Variants in SLC2A9 observed in about 807,000 individuals in gnomAD.
SLC2A9 encodes the protein solute carrier family 2 member 9.
A neutral mutation model predicts 50.6 loss-of-function variants in SLC2A9; 39 were observed. The observed-to-expected ratio is 0.77, with a 90% CI of 0.60 to 1.01. The LOEUF (loss-of-function observed/expected upper bound fraction) is 1.01, where lower values mean the gene tolerates loss of function less well. SLC2A9 is among the 50% of genes least tolerant of loss of function. SLC2A9 has a pLI of 0.00. For synonymous variants in SLC2A9, 324 were observed against 276.9 expected, an observed-to-expected ratio of 1.17 and a Z score of -1.69; for missense variants, 686 against 677.6, an observed-to-expected ratio of 1.01 and a Z score of -0.14.
At chr4:9,819,029 G>C (rs1560148990) in intron 3 of SLC2A9, among the ~76,000 whole-genome samples, 1 of 148,430 alleles carries the variant, frequency 6.7e-6, no homozygotes, top group African/African-American at 2.5e-5. Flanking sequence ...GACTGAGGCA[G>C]AATGGCGTGA....
At chr4:9,869,141 G>T (rs1325192912) in intron 10 of SLC2A9, among the ~76,000 whole-genome samples, 1 of 152,194 alleles carries the variant, frequency 6.6e-6, no homozygotes, top group Non-Finnish European at 1.5e-5. Context: ...TAATCCGTAA[G>T]ACAGAGACAG....
At chr4:9,818,840 G>A (rs963582816) in intron 3 of SLC2A9, among the ~76,000 whole-genome samples, 1 of 152,126 alleles carries the variant, frequency 6.6e-6, no homozygotes, top group African/African-American at 2.4e-5. Flanking sequence ...TACAGGTCTT[G>A]GGCTGGGTGC....
chr4:9,981,804 A>T (rs1045270095), intron 4 of SLC2A9, among the ~76,000 whole-genome samples: 3 of 152,176 alleles, frequency 2.0e-5, no homozygotes, highest in African/African-American at 7.2e-5. Context: ...ATACTCCGGG[A>T]GAACCTGGCT....
At chr4:9,984,611 A>T (rs1224523979) in intron 4 of SLC2A9, among the ~76,000 whole-genome samples, 1 of 152,202 alleles carries the variant, frequency 6.6e-6, no homozygotes, top group Non-Finnish European at 1.5e-5. Context: ...CAATCTTTCC[A>T]CAAATGCCTA....
chr4:9,855,658 G>T (rs1340204555), intron 10 of SLC2A9, among the ~76,000 whole-genome samples: 1 of 151,808 alleles, frequency 6.6e-6, no homozygotes, highest in Non-Finnish European at 1.5e-5. Context: ...ACATAGCCCA[G>T]ATCCTAAGCA....
At chr4:9,836,494 C>A (rs921837882) in intron 10 of SLC2A9, among the ~76,000 whole-genome samples, 2 of 151,878 alleles carry the variant, frequency 1.3e-5, no homozygotes, top group African/African-American at 4.8e-5. Flanking sequence ...GAAGATCATG[C>A]CGAGTGGAGG....
chr4:9,783,172 C>T, intron 3 of SLC2A9: 1 of 1,614,258 alleles, frequency 6.2e-7, no homozygotes, highest in Non-Finnish European at 8.5e-7. Context: ...TCTGCTCCCG[C>T]ACGCCGGTGG....
intron 3 of SLC2A9, among the ~76,000 whole-genome samples, chr4:9,789,579 G>A (rs1368671722): frequency 6.6e-6 from 1 of 152,232 alleles, no homozygotes; most frequent in Non-Finnish European, 1.5e-5. Context: ...TTGATAGGAG[G>A]AAGTTGTTGA....
chr4:9,778,055 TC>T (rs1263935974), downstream of SLC2A9, among the ~76,000 whole-genome samples: 1 of 2,934 alleles, frequency 3.4e-4, no homozygotes, highest in African/African-American at 1.2e-3. Context: ...TTTCTTTCTT[TC>T]CTTCCTTCCT....
intron 11 of SLC2A9, among the ~76,000 whole-genome samples, chr4:9,830,955 C>G (rs1400838557): frequency 6.6e-6 from 1 of 152,118 alleles, no homozygotes; most frequent in Non-Finnish European, 1.5e-5. Context: ...GGTGAGGAAA[C>G]CCAGGCTTGG....
At chr4:9,874,376 G>A (rs755723276) in intron 10 of SLC2A9, among the ~76,000 whole-genome samples, 1 of 152,178 alleles carries the variant, frequency 6.6e-6, no homozygotes, top group Non-Finnish European at 1.5e-5. Context: ...CCTCTCTGAT[G>A]GCAGCAGCCC....
At chr4:10,002,768 T>C (rs1760068116) in intron 2 of SLC2A9, among the ~76,000 whole-genome samples, 1 of 152,090 alleles carries the variant, frequency 6.6e-6, no homozygotes, top group Non-Finnish European at 1.5e-5. Context: ...CTGGGGAATA[T>C]CTTGAACCCT....
chr4:9,819,683 C>T (rs1724135994), intron 3 of SLC2A9, among the ~76,000 whole-genome samples: 1 of 152,250 alleles, frequency 6.6e-6, no homozygotes, highest in Admixed American at 6.5e-5. Flanking sequence ...CCTGTAATCC[C>T]AGCACTTTGG....
intron 10 of SLC2A9, among the ~76,000 whole-genome samples, chr4:9,841,869 T>C (rs1302155362): frequency 6.6e-6 from 1 of 152,208 alleles, no homozygotes; most frequent in Non-Finnish European, 1.5e-5. Context: ...AGGTATCTTC[T>C]TGATCTTTCT....
chr4:9,916,884 C>T (rs976288735), intron 7 of SLC2A9, among the ~76,000 whole-genome samples: 1 of 152,218 alleles, frequency 6.6e-6, no homozygotes, highest in African/African-American at 2.4e-5. Context: ...TTTTCTCCCC[C>T]AGACACTCAG....
intron 5 of SLC2A9, among the ~76,000 whole-genome samples, chr4:9,957,068 C>T (rs936626947): frequency 1.3e-5 from 2 of 152,098 alleles, no homozygotes; most frequent in African/African-American, 4.8e-5. Flanking sequence ...GGAATGAAAA[C>T]AGAGTTTTGG....
At chr4:9,828,838 G>A (rs542260260) in intron 11 of SLC2A9, among the ~76,000 whole-genome samples, 2 of 152,288 alleles carry the variant, frequency 1.3e-5, no homozygotes, top group East Asian at 1.9e-4. Flanking sequence ...TCCCTACCAA[G>A]AGGTAACTAT....
chr4:9,904,794 ACT>A (rs776313198), intron 8 of SLC2A9, among the ~76,000 whole-genome samples: 18 of 149,464 alleles, frequency 1.2e-4, no homozygotes, highest in Non-Finnish European at 2.2e-4. Context: ...TCTATTCCAC[ACT>A]CTCAACCTCA....
downstream of SLC2A9, among the ~76,000 whole-genome samples, chr4:9,797,759 CCAAA>C (rs1720760265): frequency 6.6e-6 from 1 of 152,220 alleles, no homozygotes; most frequent in South Asian, 2.1e-4. Context: ...GTCCACAGCA[CCAAA>C]CACTTAAGAC....
Sources: gnomAD v4.1 joint callset for allele counts (sites outside exome capture counted in the v4.1 genomes callset) on GRCh38, gnomAD v4.1.1 for gene constraint, MANE v1.5 for transcripts, NCBI Gene and HGNC (gene_info 2026-07-23, HGNC 2026-07-21) for gene names.